The following PPP4R3B variants were observed in gnomAD, a reference collection of about 807,000 sequenced individuals.
PPP4R3B encodes serine/threonine-protein phosphatase 4 regulatory subunit 3B.
PPP4R3B carries 52 observed loss-of-function variants against 95.4 expected under a neutral mutation model. That is an observed-to-expected ratio of 0.54 (90% CI 0.44 to 0.69). The LOEUF is 0.69. Among genes scored for constraint, PPP4R3B ranks in the 30% least tolerant of loss-of-function variants. The pLI, the probability that PPP4R3B is intolerant of heterozygous loss-of-function variation, is 0.00. For missense variants in PPP4R3B, 1,003 were observed against 1,005.9 expected, an observed-to-expected ratio of 1.00 and a Z score of 0.04; for synonymous variants, 407 against 343.9, an observed-to-expected ratio of 1.18 and a Z score of -2.03.
At chr2:55,576,265 T>C (rs1310145836) in intron 11 of PPP4R3B, among the ~76,000 whole-genome samples, 1 of 151,872 alleles carries the variant, frequency 6.6e-6, no homozygotes, top group Admixed American at 6.6e-5. Flanking sequence ...GGGAGATGGT[T>C]TGAACCCAGA....
intron 11 of PPP4R3B, among the ~76,000 whole-genome samples, chr2:55,576,509 G>A (rs1323022177): frequency 7.2e-5 from 11 of 151,948 alleles, no homozygotes; most frequent in Admixed American, 1.3e-4. Context: ...TTGGGAGGCC[G>A]AGGCGGGTGG....
Position 55,547,723 on chromosome 2 carries a change from A to T in PPP4R3B, c.*2188T>A, listed in dbSNP as rs1265334283. ...TGGATTGTGAGGTCAGGAGTTTAAG[A>T]CCAGCCTGGCCAAGATGGTGAAACC... On this transcript the variant is annotated 3_prime_UTR_variant, in exon 17 of 17. Coordinates refer to ENST00000616407, the MANE Select transcript of PPP4R3B (RefSeq NM_001122964.3). 1 of 152,188 alleles carries T rather than the reference A, an allele frequency of 6.6e-6. No homozygotes were observed. Among genetic ancestry groups the T allele is most frequent in the Admixed American group, 6.5e-5 (1 of 15,278 alleles). 9.4% of individuals were successfully genotyped at this position (152,188 alleles called of 1,614,324 possible). A position where few individuals can be genotyped will look rare whatever the true frequency, so the allele number is the denominator to read the frequency against.
chr2:55,615,492 C>T lies in PPP4R3B; in HGVS notation c.157G>A (p.Glu53Lys). Reference protein sequence around the residue: ...RAESDGSLLLESKINPNTAYQ... With the variant: ...RAESDGSLLLKSKINPNTAYQ... ...GCAGTATTTGGATTTATCTTTGATT[C>T]CAAGAGTAGTGATCCTGAAAGATAA... Residue 53 changes from glutamate to lysine, a missense_variant, in exon 2 of 17, where the codon GAA becomes AAA. Physicochemically the swap from Glu to Lys is moderately conservative, Grantham distance 56. Around this residue, in one of 3 missense-constraint regions of PPP4R3B, gnomAD observed 695 missense variants for 686.2 expected, o/e 1.01. Coordinates refer to ENST00000616407, the MANE Select transcript of PPP4R3B (RefSeq NM_001122964.3). The T allele has an allele frequency of 1.9e-6, 3 of 1,588,436 alleles. No individual in the cohort carries two copies. The highest frequency in any genetic ancestry group is 2.6e-6 in the Non-Finnish European group (3 of 1,166,630).
At chr2:55,615,336 C>A in intron 2 of PPP4R3B, 115 bp downstream of exon 2, 1 of 820,158 alleles carries the variant, frequency 1.2e-6, no homozygotes, top group East Asian at 2.7e-5. Flanking sequence ...TACACATGAT[C>A]TTTGTTTACC....
intron 1 of PPP4R3B, among the ~76,000 whole-genome samples, chr2:55,615,838 C>T (rs1479281937): frequency 1.0e-5 from 1 of 99,576 alleles, no homozygotes; most frequent in African/African-American, 4.7e-5. Context: ...AGCCTGGCAA[C>T]AGAGCAAGAC....
intron 12 of PPP4R3B, among the ~76,000 whole-genome samples, chr2:55,570,918 C>T (rs1178323012): frequency 6.6e-6 from 1 of 152,200 alleles, no homozygotes; most frequent in Non-Finnish European, 1.5e-5. Flanking sequence ...AGGCACAATT[C>T]TACACTGCTG....
chr2:55,605,927 A>C (rs1362491801), intron 2 of PPP4R3B, among the ~76,000 whole-genome samples: 1 of 151,654 alleles, frequency 6.6e-6, no homozygotes, highest in Non-Finnish European at 1.5e-5. Flanking sequence ...AAAAAAAAGA[A>C]ATCCTTCAGT....
In PPP4R3B at chr2:55,598,348, C is replaced by G. The variant is rs1417097000; in HGVS notation, c.921+68G>C. On this transcript the variant is annotated intron_variant, in intron 4 of 16. Coordinates refer to ENST00000616407, the MANE Select transcript of PPP4R3B (RefSeq NM_001122964.3). ...TTTCAAAAAATAGAGGGTATAAACA[C>G]CTGCTTGAACTATTAAGGGAACTAA... 10 of 1,489,184 alleles carry G rather than the reference C, an allele frequency of 6.7e-6. No homozygotes were observed. The South Asian group carries it at 1.2e-4, about 18-fold the overall frequency. The allele number at this position is 1,489,184 out of a possible 1,614,324, so 92.2% of individuals were successfully genotyped here.
intron 7 of PPP4R3B, among the ~76,000 whole-genome samples, chr2:55,584,155 C>A (rs545333363): frequency 1.3e-5 from 2 of 151,706 alleles, no homozygotes; most frequent in East Asian, 3.9e-4. Context: ...TCAAAAAAAA[C>A]AAAAAACAAA....
intron 4 of PPP4R3B, among the ~76,000 whole-genome samples, chr2:55,595,994 T>A (rs764659948): frequency 6.6e-5 from 10 of 152,226 alleles, no homozygotes; most frequent in Non-Finnish European, 1.3e-4. Context: ...CTTACTATAC[T>A]GTTAGGGTGT....
intron 15 of PPP4R3B, among the ~76,000 whole-genome samples, chr2:55,559,889 A>G (rs540630268): frequency 6.6e-6 from 1 of 152,286 alleles, no homozygotes; most frequent in Admixed American, 6.5e-5. Flanking sequence ...TGGGTGGCTG[A>G]GGAGGGTGGA....
rs1324875605 is a variant in PPP4R3B, at chr2:55,573,673, A to T, written c.1711T>A (p.Leu571Met). The change falls in exon 12 of 17, where the codon TTG (leucine) becomes ATG (methionine). Residue 571 changes from leucine (L) to methionine (M), a missense_variant. Physicochemically the swap from Leu to Met is conservative, Grantham distance 15. Around this residue, in one of 3 missense-constraint regions of PPP4R3B, gnomAD observed 695 missense variants for 686.2 expected, o/e 1.01. Transcript: ENST00000616407. Reference sequence around the variant, plus strand: ...ATCAAGACCAAGACTCTTCTTAGCAAGTCCTTGTTCATAATATAGTTTTTT... The same window carrying T: ...ATCAAGACCAAGACTCTTCTTAGCATGTCCTTGTTCATAATATAGTTTTTT... ...HIKNYIMNKD[L>M]LRRVLVLMNS... 2 of 1,546,036 alleles carry T rather than the reference A, an allele frequency of 1.3e-6. No individual in the cohort carries two copies. Among genetic ancestry groups the T allele is most frequent in the Admixed American group, 4.0e-5 (2 of 49,692 alleles).
intron 8 of PPP4R3B, among the ~76,000 whole-genome samples, chr2:55,580,757 A>T (rs1689341776): frequency 6.6e-6 from 1 of 152,184 alleles, no homozygotes; most frequent in South Asian, 2.1e-4. Flanking sequence ...TATATTCTCT[A>T]AATATGAAGG....
chr2:55,564,957 C>G lies in PPP4R3B; in HGVS notation c.2020G>C (p.Gly674Arg). The G allele has an allele frequency of 6.2e-7, 1 of 1,610,356 alleles. No individual in the cohort carries two copies. Among genetic ancestry groups the G allele is most frequent in the Non-Finnish European group, 8.5e-7 (1 of 1,178,596 alleles). The change falls in exon 14 of 17, where the codon GGA becomes CGA. Residue 674 changes from glycine (G) to arginine (R), a missense_variant. Coordinates refer to ENST00000616407, the MANE Select transcript of PPP4R3B (RefSeq NM_001122964.3). ...ESIEYVQTFK[G>R]LKTKYEQEKD... ...TCTTGCTCATATTTAGTCTTCAATC[C>G]TTTGAATGTCTGAACATATTCAATC...
chr2:55,613,730 T>C (rs906622812), intron 2 of PPP4R3B, among the ~76,000 whole-genome samples: 3 of 151,928 alleles, frequency 2.0e-5, no homozygotes, highest in Admixed American at 2.0e-4. Context: ...CCTAAATTTG[T>C]AGGGAACTGT....
intron 11 of PPP4R3B, among the ~76,000 whole-genome samples, chr2:55,576,473 T>G (rs544232129): frequency 6.5e-4 from 99 of 151,534 alleles, no homozygotes; most frequent in African/African-American, 2.2e-3. Context: ...CCGGGCGCGG[T>G]GGCTCACGCC....
intron 11 of PPP4R3B, among the ~76,000 whole-genome samples, chr2:55,576,028 A>G (rs532850731): frequency 6.6e-6 from 1 of 152,226 alleles, no homozygotes; most frequent in Non-Finnish European, 1.5e-5. Flanking sequence ...CCACAGCCAA[A>G]ATTTGAACTA....
intron 12 of PPP4R3B, among the ~76,000 whole-genome samples, chr2:55,570,405 A>T (rs1057012357): frequency 2.0e-5 from 3 of 152,226 alleles, no homozygotes; most frequent in African/African-American, 7.2e-5. Context: ...AATGAATAAG[A>T]AGTACAACTT....
rs1016365246 is a variant in PPP4R3B at position 55,595,455 on chromosome 2, G to A, written c.921+2961C>T. ...AGCCTGGGCAACACAGTGAGATCCT[G>A]TCTCTATATAAAAAATAAAATAAAT... On this transcript the variant is annotated intron_variant, in intron 4 of 16. Coordinates refer to ENST00000616407, the MANE Select transcript of PPP4R3B (RefSeq NM_001122964.3). Among the ~76,000 whole-genome samples the A allele has an allele frequency of 5.3e-5, 8 of 151,810 alleles. No individual in the cohort carries two copies. The South Asian group carries it at 1.7e-3, about 31-fold the overall frequency.
Sources: allele counts gnomAD v4.1 joint callset (sites outside exome capture counted in the v4.1 genomes callset), GRCh38; gene constraint gnomAD v4.1.1; regional missense constraint gnomAD v4.1.1; transcripts MANE v1.5; gene names NCBI Gene and HGNC (gene_info 2026-07-23, HGNC 2026-07-21).